Variants in KAZN observed in about 807,000 individuals in gnomAD.
The protein encoded by KAZN is kazrin.
KAZN carries 40 observed loss-of-function variants against 87.4 expected under a neutral mutation model. That is an observed-to-expected ratio of 0.46 (90% CI 0.36 to 0.60). The LOEUF is 0.60. KAZN is among the 20% of genes least tolerant of loss of function. KAZN has a pLI of 0.00. For missense variants in KAZN, 898 were observed against 1,073.9 expected (o/e 0.84, Z 2.29); for synonymous variants, 466 against 458.3 (o/e 1.02, Z -0.22).
At chr1:14,489,736 A>AATAATAAT (rs1669545932) in intron 2 of KAZN, among the ~76,000 whole-genome samples, 1 of 144,514 alleles carries the variant, frequency 6.9e-6, no homozygotes, top group South Asian at 2.2e-4. Context: ...TCTGTCTTAA[A>AATAATAAT]AATAATAATA....
chr1:14,245,597 A>C (rs2100592363), intron 2 of KAZN, among the ~76,000 whole-genome samples: 1 of 152,174 alleles, frequency 6.6e-6, no homozygotes, highest in South Asian at 2.1e-4. Flanking sequence ...TACATCTTTG[A>C]GATAGATTCC....
intron 1 of KAZN, among the ~76,000 whole-genome samples, chr1:14,148,898 C>T (rs1055319870): frequency 7.9e-5 from 12 of 152,234 alleles, no homozygotes; most frequent in African/African-American, 2.9e-4. Flanking sequence ...ACAAAGAACA[C>T]TCCACTTTTT....
At chr1:14,693,367 T>C (rs1245682995) in intron 1 of KAZN, among the ~76,000 whole-genome samples, 1 of 152,238 alleles carries the variant, frequency 6.6e-6, no homozygotes, top group Non-Finnish European at 1.5e-5. Context: ...GCTGTCATTC[T>C]AAATGTTGGT....
chr1:14,053,250 T>C (rs919064839), intron 1 of KAZN, among the ~76,000 whole-genome samples: 10 of 152,234 alleles, frequency 6.6e-5, no homozygotes, highest in Non-Finnish European at 1.5e-4. Context: ...GTAGTTCTAC[T>C]ACCATGAGAA....
intron 2 of KAZN, among the ~76,000 whole-genome samples, chr1:14,366,018 A>C (rs1323424483): frequency 1.3e-5 from 2 of 152,224 alleles, no homozygotes; most frequent in Non-Finnish European, 2.9e-5. Flanking sequence ...TAAAATGTAA[A>C]TTGCTTGGAA....
intron 2 of KAZN, among the ~76,000 whole-genome samples, chr1:14,537,917 C>A (rs992456917): frequency 1.3e-5 from 2 of 152,150 alleles, no homozygotes; most frequent in African/African-American, 4.8e-5. Flanking sequence ...CTCATGCAAA[C>A]AAGCACAAAT....
chr1:15,014,497 G>A (rs1669885424), intron 2 of KAZN, among the ~76,000 whole-genome samples: 1 of 152,040 alleles, frequency 6.6e-6, no homozygotes, highest in Non-Finnish European at 1.5e-5. Flanking sequence ...CAGACCTAGT[G>A]GTCCCCAGAT....
chr1:14,807,456 T>C (rs886861413), intron 1 of KAZN, among the ~76,000 whole-genome samples: 1 of 152,122 alleles, frequency 6.6e-6, no homozygotes, highest in Non-Finnish European at 1.5e-5. Flanking sequence ...TAGGCCAAAA[T>C]ATATTTATTA....
intron 1 of KAZN, among the ~76,000 whole-genome samples, chr1:14,901,349 C>T (rs541301566): frequency 3.9e-5 from 6 of 152,100 alleles, no homozygotes; most frequent in Non-Finnish European, 8.8e-5. Flanking sequence ...TGAGTGAAAT[C>T]GAAAATAAGA....
At chr1:15,098,692 G>T (rs1640904023) in intron 10 of KAZN, among the ~76,000 whole-genome samples, 2 of 152,364 alleles carry the variant, frequency 1.3e-5, no homozygotes, top group South Asian at 4.1e-4. Flanking sequence ...GACTGGGAGG[G>T]GGACTGCCCC....
At chr1:14,557,991 T>G (rs1674014795) in intron 2 of KAZN, among the ~76,000 whole-genome samples, 1 of 152,208 alleles carries the variant, frequency 6.6e-6, no homozygotes, top group Non-Finnish European at 1.5e-5. Context: ...TGAGCTGATG[T>G]GAAAGCCACC....
intron 2 of KAZN, among the ~76,000 whole-genome samples, chr1:14,970,671 G>A (rs562058081): frequency 1.3e-5 from 2 of 152,254 alleles, no homozygotes; most frequent in Middle Eastern, 3.4e-3. Flanking sequence ...CCTTTCCGGC[G>A]TCTGCTTCAA....
intron 2 of KAZN, among the ~76,000 whole-genome samples, chr1:14,383,497 G>A (rs1479171766): frequency 6.6e-6 from 1 of 151,630 alleles, no homozygotes; most frequent in Non-Finnish European, 1.5e-5. Flanking sequence ...TTTGTATAAG[G>A]TGTAAGGAAG....
intron 2 of KAZN, among the ~76,000 whole-genome samples, chr1:14,530,636 C>T (rs1218038658): frequency 3.3e-5 from 5 of 152,118 alleles, no homozygotes; most frequent in African/African-American, 9.7e-5. Flanking sequence ...CTCTCTCTCT[C>T]GCTCCCTTTC....
intron 1 of KAZN, among the ~76,000 whole-genome samples, chr1:14,864,163 G>T (rs1167546635): frequency 6.6e-6 from 1 of 152,124 alleles, no homozygotes; most frequent in African/African-American, 2.4e-5. Context: ...CAAGTGCAAG[G>T]GTCACCTCAA....
Position 14,769,568 on chromosome 1 carries a change from A to G in KAZN, c.226+170345A>G, listed in dbSNP as rs1191965359. 2.6e-5 allele frequency among the ~76,000 whole-genome samples: 4 copies of G among 152,046 alleles called. No homozygotes were observed. The highest frequency in any genetic ancestry group is 1.3e-4 in the Admixed American group (2 of 15,258). On this transcript the variant is annotated intron_variant, in intron 1 of 14. Transcript: ENST00000376030. The surrounding 1 kb of genome is among the most constrained non-coding windows in gnomAD (Gnocchi z 4.1). ...AGGGTTTCACCATGTTGGCCAGACT[A>G]GTTTCAAACTTATGACCTCAGGTGA...
chr1:14,169,687 A>G (rs1335576425), intron 1 of KAZN, among the ~76,000 whole-genome samples: 1 of 152,142 alleles, frequency 6.6e-6, no homozygotes, highest in Non-Finnish European at 1.5e-5. Flanking sequence ...GAATTAGGCA[A>G]TGGCCATAAG....
At chr1:15,053,342 C>G (rs764910476) in intron 4 of KAZN, among the ~76,000 whole-genome samples, 11 of 152,204 alleles carry the variant, frequency 7.2e-5, no homozygotes, top group Non-Finnish European at 1.3e-4. Flanking sequence ...TGTACAGAGG[C>G]TCGAGACACA....
intron 2 of KAZN, among the ~76,000 whole-genome samples, chr1:14,399,215 C>A (rs1663171832): frequency 6.6e-6 from 1 of 151,682 alleles, no homozygotes; most frequent in South Asian, 2.1e-4. Context: ...TGAGGTCTCA[C>A]TATGTTGCGC....
Sources: gnomAD v4.1 joint callset for allele counts (sites outside exome capture counted in the v4.1 genomes callset) on GRCh38, gnomAD v4.1.1 for gene constraint, Gnocchi (gnomAD v3.1) non-coding constraint, MANE v1.5 for transcripts, NCBI Gene and HGNC (gene_info 2026-07-23, HGNC 2026-07-21) for gene names.